The following MAP2 variants were observed in gnomAD, a reference collection of about 807,000 sequenced individuals.
The protein encoded by MAP2 is microtubule-associated protein 2.
MAP2 carries 14 observed loss-of-function variants against 137.6 expected under a neutral mutation model. The observed-to-expected ratio is 0.10, with a 90% CI of 0.07 to 0.16. MAP2 has a LOEUF of 0.16. Among genes scored for constraint, MAP2 ranks in the 10% least tolerant of loss-of-function variants. The pLI is 1.00. For synonymous variants in MAP2, 786 were observed against 782.3 expected (o/e 1.00, Z -0.08); for missense variants, 2,088 against 2,191.5 (o/e 0.95, Z 0.94).
intron 4 of MAP2, among the ~76,000 whole-genome samples, chr2:209,650,400 A>C (rs1173902870): frequency 6.6e-6 from 1 of 152,192 alleles, no homozygotes; most frequent in Non-Finnish European, 1.5e-5. Flanking sequence ...CACGTAGCTT[A>C]GCATCTCATC....
chr2:209,476,263 T>C (rs1242069867), intron 1 of MAP2, among the ~76,000 whole-genome samples: 3 of 152,152 alleles, frequency 2.0e-5, no homozygotes, highest in Non-Finnish European at 4.4e-5. Flanking sequence ...TCTATTGACC[T>C]CTGACATAAG....
chr2:209,526,864 C>G (rs2064141652), intron 2 of MAP2, among the ~76,000 whole-genome samples: 1 of 151,904 alleles, frequency 6.6e-6, no homozygotes, highest in South Asian at 2.1e-4. Flanking sequence ...AATGTCTTTC[C>G]TAAGCTTGAT....
chr2:209,511,988 C>T (rs2150269835), intron 2 of MAP2, among the ~76,000 whole-genome samples: 1 of 152,154 alleles, frequency 6.6e-6, no homozygotes, highest in Non-Finnish European at 1.5e-5. Context: ...TGGATCTAGT[C>T]CTTCCTCCTA....
intron 5 of MAP2, among the ~76,000 whole-genome samples, chr2:209,657,975 A>G (rs2041716383): frequency 6.6e-6 from 1 of 152,196 alleles, no homozygotes. Flanking sequence ...GCTTGTAATA[A>G]TTCTTTCCTC....
chr2:209,530,780 G>T (rs559137996), intron 2 of MAP2, among the ~76,000 whole-genome samples: 1 of 152,252 alleles, frequency 6.6e-6, no homozygotes, highest in South Asian at 2.1e-4. Context: ...AAGAGTCTGA[G>T]AATTAGAATT....
intron 2 of MAP2, among the ~76,000 whole-genome samples, chr2:209,578,172 C>T (rs1310696937): frequency 7.2e-5 from 11 of 152,112 alleles, no homozygotes; most frequent in African/African-American, 2.7e-4. Context: ...ATTCTTTGGG[C>T]CTCAGCTTTC....
chr2:209,555,465 C>G (rs145966914), intron 2 of MAP2, among the ~76,000 whole-genome samples: 1 of 152,090 alleles, frequency 6.6e-6, no homozygotes, highest in East Asian at 1.9e-4. Context: ...AGGAAAGACC[C>G]GGATGGGACT....
intron 2 of MAP2, among the ~76,000 whole-genome samples, chr2:209,563,057 G>A (rs2072543742): frequency 6.6e-6 from 1 of 152,148 alleles, no homozygotes; most frequent in African/African-American, 2.4e-5. Flanking sequence ...TTCAGCTAGA[G>A]GACTGAGATG....
intron 13 of MAP2, among the ~76,000 whole-genome samples, chr2:209,713,410 G>C (rs1460701722): frequency 6.6e-6 from 1 of 152,130 alleles, no homozygotes; most frequent in East Asian, 1.9e-4. Flanking sequence ...TCACATCAAT[G>C]CCTAATGGAA....
chr2:209,510,930 C>T (rs1185092461), intron 2 of MAP2, among the ~76,000 whole-genome samples: 1 of 151,840 alleles, frequency 6.6e-6, no homozygotes, highest in Non-Finnish European at 1.5e-5. Context: ...GTTGAGGACC[C>T]TAAGGAATGG....
intron 2 of MAP2, among the ~76,000 whole-genome samples, chr2:209,577,703 G>A (rs967264137): frequency 2.0e-5 from 3 of 152,168 alleles, no homozygotes; most frequent in Admixed American, 2.0e-4. Flanking sequence ...AAGGTGCCTT[G>A]GGAGACCGAC....
intron 1 of MAP2, among the ~76,000 whole-genome samples, chr2:209,498,251 G>A (rs1453177589): frequency 6.6e-6 from 1 of 152,216 alleles, no homozygotes; most frequent in Non-Finnish European, 1.5e-5. Context: ...AATATCTTTT[G>A]ACTCCATGTC....
chr2:209,495,326 C>T (rs901025521), intron 1 of MAP2, among the ~76,000 whole-genome samples: 6 of 152,362 alleles, frequency 3.9e-5, no homozygotes, highest in Non-Finnish European at 7.3e-5. Context: ...GCACAGTGCT[C>T]GAGCTCTGCT....
Position 209,693,146 on chromosome 2 carries a change from T to G in MAP2, c.976T>G (p.Leu326Val). ...TCAAGGGGGAAGCTTCACTCTTCCT[T>G]TAGATGTCATGAAGAATGAAATAGT... The part of the protein sequence containing the change: ...PFQGGSFTLP[L>V]DVMKNEIVTE... Residue 326 changes from leucine (L) to valine (V), a missense_variant, in exon 8 of 16, where the codon TTA becomes GTA. Physicochemically the swap from Leu to Val is conservative, Grantham distance 32. This residue lies in a region of MAP2 where 859 missense variants were observed against 794.5 expected (regional missense o/e 1.08). Transcript: ENST00000682079. 6.2e-7 allele frequency: 1 copy of G among 1,611,130 alleles called. No homozygotes were observed.
intron 3 of MAP2, among the ~76,000 whole-genome samples, chr2:209,597,996 CTTTT>C (rs893994939): frequency 1.3e-5 from 2 of 151,922 alleles, no homozygotes; most frequent in African/African-American, 4.8e-5. Flanking sequence ...CTGTCCTATT[CTTTT>C]TTATTTATTT....
At chr2:209,621,196 CAAAG>C (rs2091040338) in intron 3 of MAP2, among the ~76,000 whole-genome samples, 3 of 150,966 alleles carry the variant, frequency 2.0e-5, no homozygotes, top group Admixed American at 2.0e-4. Flanking sequence ...AGGGTGAAAC[CAAAG>C]AAAGACAGAA....
chr2:209,577,459 A>G (rs2153386863), intron 2 of MAP2, among the ~76,000 whole-genome samples: 1 of 152,332 alleles, frequency 6.6e-6, no homozygotes, highest in East Asian at 1.9e-4. Flanking sequence ...TATAAACTGA[A>G]TATTGAAAGA....
chr2:209,614,329 C>T (rs910384728), intron 3 of MAP2, among the ~76,000 whole-genome samples: 10 of 152,088 alleles, frequency 6.6e-5, no homozygotes, highest in Admixed American at 1.3e-4. Flanking sequence ...AAAAGAAACC[C>T]CCAATAGATG....
At chr2:209,691,874 G>T (rs1015959666) in intron 7 of MAP2, among the ~76,000 whole-genome samples, 1 of 152,118 alleles carries the variant, frequency 6.6e-6, no homozygotes, top group Non-Finnish European at 1.5e-5. Flanking sequence ...TATATCTACC[G>T]TACAGACTAA....
Sources: allele counts gnomAD v4.1 joint callset (sites outside exome capture counted in the v4.1 genomes callset), GRCh38; gene constraint gnomAD v4.1.1; regional missense constraint gnomAD v4.1.1; transcripts MANE v1.5; gene names NCBI Gene and HGNC (gene_info 2026-07-23, HGNC 2026-07-21).